Variants in GRIP1 observed in about 807,000 individuals in gnomAD.
GRIP1 encodes the protein glutamate receptor interacting protein 1.
A neutral mutation model predicts 129.9 loss-of-function variants in GRIP1; 45 were observed. The observed-to-expected ratio is 0.35, with a 90% CI of 0.27 to 0.44. GRIP1 has a LOEUF of 0.44. GRIP1 is among the 20% of genes least tolerant of loss of function. GRIP1 has a pLI of 1.00. For missense variants in GRIP1, 1,196 were observed against 1,396.8 expected (o/e 0.86, Z 2.29); for synonymous variants, 530 against 520.8 (o/e 1.02, Z -0.24).
In GRIP1 at chr12:66,541,851, C is replaced by T. The variant is rs375701385; in HGVS notation, c.236G>A (p.Arg79Lys). 88 of 1,614,048 alleles carry T rather than the reference C, an allele frequency of 5.5e-5. No individual in the cohort carries two copies. Among genetic ancestry groups the T allele is most frequent in the Non-Finnish European group, 7.1e-5 (84 of 1,179,986 alleles). ...SGGIDKDGKP[R>K]VSNLRQGGIA... ...TCCTCCTTGCCGCAGATTAGATACTCTTGGCTTGCCATCCTTATCAATTCC... is the reference window on the plus strand; with the variant it reads ...TCCTCCTTGCCGCAGATTAGATACTTTTGGCTTGCCATCCTTATCAATTCC... Residue 79 changes from arginine to lysine, a missense_variant, in exon 3 of 25, where the codon AGA becomes AAA. Physicochemically the swap from Arg to Lys is conservative, Grantham distance 26. Around this residue, in one of 5 missense-constraint regions of GRIP1, gnomAD observed 217 missense variants for 224.8 expected, o/e 0.97. Coordinates refer to ENST00000359742, the MANE Select transcript of GRIP1 (RefSeq NM_001366722.1).
chr12:67,010,651 T>C lies in GRIP1; in HGVS notation c.58+58399A>G, dbSNP rs147798371. ...AGATGATTAGCCAGAAGAAAAAACT[T>C]TGAAAGAATAGGCCAGTGAGATTGT... On this transcript the variant is annotated intron_variant, in intron 1 of 1. Transcript: ENST00000643019. Among the ~76,000 whole-genome samples, 855 of 152,030 alleles carry C rather than the reference T, an allele frequency of 5.6e-3. 14 individuals are homozygous for C. Among genetic ancestry groups the C allele is most frequent in the African/African-American group, 0.02 (821 of 41,492 alleles).
At chr12:66,824,167 C>T (rs1566039924) in intron 1 of GRIP1, among the ~76,000 whole-genome samples, 1 of 152,116 alleles carries the variant, frequency 6.6e-6, no homozygotes, top group Non-Finnish European at 1.5e-5. Context: ...GGGGCACAAT[C>T]CCTAAACACC....
intron 1 of GRIP1, among the ~76,000 whole-genome samples, chr12:66,871,551 A>C (rs2040296443): frequency 6.6e-6 from 1 of 152,078 alleles, no homozygotes; most frequent in Non-Finnish European, 1.5e-5. Context: ...TGCTTAATGA[A>C]ATACCTGGCA....
At chr12:66,508,591 CAA>C (rs1421657057) in intron 7 of GRIP1, among the ~76,000 whole-genome samples, 1 of 151,996 alleles carries the variant, frequency 6.6e-6, no homozygotes, top group East Asian at 1.9e-4. Context: ...TATAGTTTTG[CAA>C]AGTTTGTGCA....
chr12:66,377,628 C>T lies in GRIP1; in HGVS notation c.2622-343G>A, dbSNP rs1355084601. ...TGCTAGGATTGTAGGCGTGAGCCAC[C>T]GCACCCGGCCTTTTTTTTTTTTTTT... On this transcript the variant is annotated intron_variant, in intron 20 of 24. Transcript: ENST00000359742. Among the ~76,000 whole-genome samples, 51 of 142,736 alleles carry T rather than the reference C, an allele frequency of 3.6e-4. 1 individual carries two copies. Among genetic ancestry groups the T allele is most frequent in the Non-Finnish European group, 7.5e-5 (5 of 67,086 alleles). The allele number at this position is 142,736 out of a possible 152,430, so 93.6% of individuals were successfully genotyped here.
intron 1 of GRIP1, among the ~76,000 whole-genome samples, chr12:66,757,257 C>T (rs2037322547): frequency 6.6e-6 from 1 of 152,078 alleles, no homozygotes; most frequent in Non-Finnish European, 1.5e-5. Flanking sequence ...CTGCCTCTCC[C>T]AGCCTCTGGT....
At chr12:66,418,922 C>T (rs1394052810) in intron 15 of GRIP1, among the ~76,000 whole-genome samples, 1 of 152,122 alleles carries the variant, frequency 6.6e-6, no homozygotes, top group Non-Finnish European at 1.5e-5. Context: ...ACTATATGAT[C>T]CAGCAATCCC....
chr12:67,044,528 G>A (rs528023565), intron 1 of GRIP1, among the ~76,000 whole-genome samples: 3 of 152,162 alleles, frequency 2.0e-5, no homozygotes, highest in Admixed American at 6.5e-5. Flanking sequence ...ATCTTTGAAA[G>A]ATAAAGCTAC....
intron 1 of GRIP1, among the ~76,000 whole-genome samples, chr12:66,857,365 C>T (rs2040025396): frequency 6.6e-6 from 1 of 151,720 alleles, no homozygotes; most frequent in Non-Finnish European, 1.5e-5. Context: ...GAAACCAAAG[C>T]TTGGATTTTA....
intron 1 of GRIP1, among the ~76,000 whole-genome samples, chr12:66,641,251 G>T (rs1470171423): frequency 6.6e-6 from 1 of 152,136 alleles, no homozygotes; most frequent in African/African-American, 2.4e-5. Flanking sequence ...GTCAAATGTG[G>T]TGAGCACAAA....
At chr12:66,575,300 C>A (rs955295098) in intron 2 of GRIP1, among the ~76,000 whole-genome samples, 2 of 152,088 alleles carry the variant, frequency 1.3e-5, no homozygotes, top group Admixed American at 6.6e-5. Flanking sequence ...CATCTTCATG[C>A]ACAGGTGTGA....
chr12:66,526,841 C>A (rs2061259630), intron 5 of GRIP1, among the ~76,000 whole-genome samples: 1 of 151,172 alleles, frequency 6.6e-6, no homozygotes, highest in South Asian at 2.1e-4. Flanking sequence ...AAGAAAAAAA[C>A]AACCCCATCA....
chr12:66,936,903 G>C (rs543546533), intron 1 of GRIP1, among the ~76,000 whole-genome samples: 2 of 152,182 alleles, frequency 1.3e-5, no homozygotes, highest in African/African-American at 4.8e-5. Flanking sequence ...AGAGCTTGAC[G>C]TTGGGAAAGC....
At chr12:66,445,163 A>C (rs1455742186) in intron 12 of GRIP1, among the ~76,000 whole-genome samples, 159 bp downstream of exon 12, 2 of 152,218 alleles carry the variant, frequency 1.3e-5, no homozygotes, top group Non-Finnish European at 2.9e-5. Context: ...TACTCTTTTC[A>C]AACCTGATCA....
At chr12:66,828,130 G>A (rs2039451422) in intron 1 of GRIP1, among the ~76,000 whole-genome samples, 1 of 152,146 alleles carries the variant, frequency 6.6e-6, no homozygotes, top group South Asian at 2.1e-4. Flanking sequence ...TTGTGGTGAG[G>A]CAATTATTTT....
chr12:66,453,126 A>T (rs1025264130), intron 11 of GRIP1, among the ~76,000 whole-genome samples: 1 of 152,236 alleles, frequency 6.6e-6, no homozygotes, highest in Admixed American at 6.5e-5. Flanking sequence ...GAGAGAATTT[A>T]TGCGTTGGTT....
intron 1 of GRIP1, among the ~76,000 whole-genome samples, chr12:66,658,254 T>C (rs1326718775): frequency 6.6e-6 from 1 of 152,174 alleles, no homozygotes; most frequent in Non-Finnish European, 1.5e-5. Flanking sequence ...GCAAATTACT[T>C]TGAGAACTTA....
chr12:66,624,068 AGATGATGG>A (rs2065385001), intron 1 of GRIP1, among the ~76,000 whole-genome samples: 2 of 152,184 alleles, frequency 1.3e-5, no homozygotes, highest in Admixed American at 1.3e-4. Context: ...GCACTGTGCT[AGATGATGG>A]AAATACAATT....
At position 66,446,614 on chromosome 12, in the gene GRIP1, T is replaced by C. The variant is rs2058638142; in HGVS notation, c.1355-1106A>G. Reference sequence around the variant, plus strand: ...CTCTGTCTCATTTTCAAGCCCATAATCTACTTTTTCAAAATTCTCCCCCTT... The same window carrying C: ...CTCTGTCTCATTTTCAAGCCCATAACCTACTTTTTCAAAATTCTCCCCCTT... On this transcript the variant is annotated intron_variant, in intron 11 of 24. Transcript: ENST00000359742. Among the ~76,000 whole-genome samples the C allele has an allele frequency of 2.0e-5, 3 of 152,210 alleles. No homozygotes were observed. In the South Asian group the frequency reaches 6.2e-4, roughly 32 times the overall value.
Sources: gnomAD v4.1 joint callset for allele counts (sites outside exome capture counted in the v4.1 genomes callset) on GRCh38, gnomAD v4.1.1 for gene constraint, gnomAD v4.1.1 regional missense constraint, MANE v1.5 for transcripts, NCBI Gene and HGNC (gene_info 2026-07-23, HGNC 2026-07-21) for gene names.